Variants in RBM22 observed in about 807,000 individuals in gnomAD.
RBM22 encodes the protein pre-mRNA-splicing factor RBM22.
A neutral mutation model predicts 50.1 loss-of-function variants in RBM22; 1 was observed. The observed-to-expected ratio is 0.02, with a 90% CI of 0.01 to 0.09. The LOEUF (loss-of-function observed/expected upper bound fraction) is 0.09. RBM22 is among the 10% of genes least tolerant of loss of function. The pLI, the probability that RBM22 is intolerant of heterozygous loss-of-function variation, is 1.00. For synonymous variants in RBM22, 152 were observed against 179.0 expected (o/e 0.85, Z 1.20); for missense variants, 264 against 529.3 (o/e 0.50, Z 4.92).
chr5:150,697,157 C>G (rs777176768), intron 4 of RBM22, among the ~76,000 whole-genome samples: 1 of 152,018 alleles, frequency 6.6e-6, no homozygotes, highest in Non-Finnish European at 1.5e-5. Flanking sequence ...TGTGGTGGCT[C>G]ATGCCTGTAA....
At chr5:150,698,416 G>C (rs758350719) in intron 4 of RBM22, 83 bp downstream of exon 4, 5 of 1,498,750 alleles carry the variant, frequency 3.3e-6, no homozygotes, top group Non-Finnish European at 4.6e-6. Context: ...ACCAGAGCTA[G>C]GGTGCGAAGT....
In RBM22 at chr5:150,691,579, G is replaced by A. The variant is rs909399563; in HGVS notation, c.*172C>T. On this transcript the variant is annotated 3_prime_UTR_variant, in exon 11 of 11. Transcript: ENST00000199814. ...AATGGCAGCTTATTTACGGTCCATC[G>A]ATCCTTTGAACAAGTATAGGAAAGC... 10 of 757,696 alleles carry A rather than the reference G, an allele frequency of 1.3e-5. No homozygotes were observed. Among genetic ancestry groups the A allele is most frequent in the African/African-American group, 1.3e-4 (7 of 55,878 alleles). 46.9% of individuals were successfully genotyped at this position (757,696 alleles called of 1,614,324 possible).
rs371671091 is a variant in RBM22, at chr5:150,691,855, T to G, written c.1159A>C (p.Met387Leu). Residue 387 changes from methionine (M) to leucine (L), a missense_variant, in exon 11 of 11, where the codon ATG (methionine) becomes CTG (leucine). By Grantham distance (15) the Met-to-Leu change is conservative. Transcript: ENST00000199814. ...CGCATGAAAGGAGGGGGTGGTCCCA[T>G]TGGGTGGAACATGTGTGGCCCAAAA... ...PGFGPHMFHP[M>L]GPPPPFMRAP... is the part of the protein sequence containing the mutation. The G allele has an allele frequency of 6.3e-7, 1 of 1,598,678 alleles. No homozygotes were observed. Among genetic ancestry groups the G allele is most frequent in the Non-Finnish European group, 8.5e-7 (1 of 1,172,674 alleles).
In RBM22 at chr5:150,696,394, T is replaced by C. The variant is rs1251611308; in HGVS notation, c.545+139A>G. ...TTTATTCATGCTCTTCTAAATTTCA[T>C]AGTTCTAAGACATGAGGTATACCAC... is the stretch of plus-strand genomic sequence containing the variant. On this transcript the variant is annotated intron_variant, in intron 6 of 10. Transcript: ENST00000199814. This position sits in a 1 kb window ranked among gnomAD's most constrained non-coding sequence, Gnocchi z 4.3. 2.1e-5 allele frequency: 20 copies of C among 940,942 alleles called. No homozygotes were observed. Among genetic ancestry groups the C allele is most frequent in the African/African-American group, 9.9e-5 (6 of 60,526 alleles). 58.3% of individuals were successfully genotyped at this position (940,942 alleles called of 1,614,324 possible). A position where few individuals can be genotyped will look rare whatever the true frequency, so the allele number is the denominator to read the frequency against.
Position 150,700,618 on chromosome 5 carries a change from A to G in RBM22, c.55-121T>C, listed in dbSNP as rs1222650196. ...GGGAACTAGGCACGGCAGGAACCCG[A>G]AGTCCATCACGACCCGATCGCGGGA... On this transcript the variant is annotated intron_variant, in intron 1 of 10. Coordinates refer to ENST00000199814, the MANE Select transcript of RBM22 (RefSeq NM_018047.3). The G allele has an allele frequency of 5.8e-6, 9 of 1,555,730 alleles. No individual in the cohort carries two copies. The African/African-American group carries it at 1.1e-4, about 19-fold the overall frequency.
intron 6 of RBM22, among the ~76,000 whole-genome samples, 187 bp from the exon 7 acceptor site, chr5:150,695,893 CG>C (rs1039299767): frequency 1.3e-5 from 2 of 148,492 alleles, no homozygotes; most frequent in Non-Finnish European, 3.0e-5. Flanking sequence ...TACTGTATCA[CG>C]GAAGGAATTA....
intron 2 of RBM22, among the ~76,000 whole-genome samples, chr5:150,699,986 T>G (rs1447662827): frequency 2.6e-5 from 4 of 152,252 alleles, no homozygotes; most frequent in Non-Finnish European, 4.4e-5. Flanking sequence ...CTGGTTCTAA[T>G]TTTACCCTAG....
chr5:150,693,877 C>T (rs181417029), intron 8 of RBM22, among the ~76,000 whole-genome samples, 199 bp downstream of exon 8: 32 of 152,240 alleles, frequency 2.1e-4, no homozygotes, highest in African/African-American at 7.5e-4. Flanking sequence ...ATACACCAAC[C>T]CCCTGAATAC....
In RBM22 at chr5:150,691,872, G is replaced by A; in HGVS notation, c.1142C>T (p.Pro381Leu). ...TGGTCCCATTGGGTGGAACATGTGT[G>A]GCCCAAAACCTGCAGATACGAGAGA... is the stretch of plus-strand genomic sequence containing the variant. ...IAPPPPPGFG[P>L]HMFHPMGPPP... Residue 381 changes from proline to leucine, a missense_variant, in exon 11 of 11, where the codon CCA becomes CTA. Pro to Leu is a moderately conservative substitution (Grantham distance 98). Coordinates refer to ENST00000199814, the MANE Select transcript of RBM22 (RefSeq NM_018047.3). 6.3e-7 allele frequency: 1 copy of A among 1,585,744 alleles called. No homozygotes were observed. Among genetic ancestry groups the A allele is most frequent in the Non-Finnish European group, 8.6e-7 (1 of 1,166,930 alleles).
Position 150,696,494 on chromosome 5 carries a change from C to T in RBM22, c.545+39G>A, listed in dbSNP as rs762015567. ...ACCTCCCACTTCTTAGATGAGAAAT[C>T]ATCTGAAAGCAAATACTGAAAATGA... On this transcript the variant is annotated intron_variant, in intron 6 of 10. Transcript: ENST00000199814. This position sits in a 1 kb window ranked among gnomAD's most constrained non-coding sequence, Gnocchi z 4.3. 1 of 1,573,096 alleles carries T rather than the reference C, an allele frequency of 6.4e-7. No individual in the cohort carries two copies. The highest frequency in any genetic ancestry group is 8.7e-7 in the Non-Finnish European group (1 of 1,151,838).
chr5:150,695,578 G>A lies in RBM22; in HGVS notation c.674C>T (p.Pro225Leu). ...KRASTMPRLD[P>L]PEDKTITTLY... ...TGTGGTGATAGTTTTATCCTCTGGT[G>A]GGTCCAGCCGAGGCATTGTTGAAGC... The change falls in exon 7 of 11, where the codon CCA becomes CTA. Residue 225 changes from proline to leucine, a missense_variant. Pro to Leu is a moderately conservative substitution (Grantham distance 98). Coordinates refer to ENST00000199814, the MANE Select transcript of RBM22 (RefSeq NM_018047.3). The A allele has an allele frequency of 6.2e-7, 1 of 1,613,906 alleles. No individual in the cohort carries two copies. The highest frequency in any genetic ancestry group is 8.5e-7 in the Non-Finnish European group (1 of 1,179,950).
intron 8 of RBM22, among the ~76,000 whole-genome samples, 180 bp from the exon 9 acceptor site, chr5:150,693,487 C>A (rs185386182): frequency 2.0e-4 from 31 of 152,276 alleles, no homozygotes; most frequent in African/African-American, 7.0e-4. Context: ...CCAGAAAAGA[C>A]CTGGGTTCAA....
rs773191380 is a variant in RBM22, at chr5:150,696,741, A to G, written c.373-36T>C. The G allele has an allele frequency of 1.2e-6, 2 of 1,613,782 alleles. No homozygotes were observed. The highest frequency in any genetic ancestry group is 1.7e-5 in the Admixed American group (1 of 60,002). Reference sequence around the variant, plus strand: ...ATGACAAATTCAAAAGATAAATTATACAGACTGTGTCAATTCATTAGGATT... The same window carrying G: ...ATGACAAATTCAAAAGATAAATTATGCAGACTGTGTCAATTCATTAGGATT... On this transcript the variant is annotated intron_variant, in intron 5 of 10. Transcript: ENST00000199814. This position sits in a 1 kb window ranked among gnomAD's most constrained non-coding sequence, Gnocchi z 4.3.
intron 8 of RBM22, 68 bp from the exon 9 acceptor site, chr5:150,693,375 TCC>T: frequency 7.9e-7 from 1 of 1,264,992 alleles, no homozygotes; most frequent in Non-Finnish European, 1.1e-6. Context: ...CTTCTTACAT[TCC>T]CCAGTCCAAT....
rs770073028 is a variant in RBM22 at position 150,691,712 on chromosome 5, G to A, written c.*39C>T. 4.1e-6 allele frequency: 6 copies of A among 1,456,724 alleles called. No homozygotes were observed. The South Asian group carries it at 4.7e-5, about 11-fold the overall frequency. The allele number at this position is 1,456,724 out of a possible 1,614,324, so 90.2% of individuals were successfully genotyped here. On this transcript the variant is annotated 3_prime_UTR_variant, in exon 11 of 11. Transcript: ENST00000199814. ...CCAAGATTTACTGGGAGTTTTAAGT[G>A]CCCTTTCTTCCACAGAGCCCCAGAG...
At chr5:150,695,480 TA>T (rs1452030025) in intron 7 of RBM22, 25 bp downstream of exon 7, 1 of 1,564,224 alleles carries the variant, frequency 6.4e-7, no homozygotes, top group South Asian at 1.1e-5. Context: ...AAGGCAAAAA[TA>T]ACTCTCTAAC....
intron 2 of RBM22, among the ~76,000 whole-genome samples, chr5:150,699,944 CAAT>C (rs1415485198): frequency 1.3e-5 from 2 of 152,202 alleles, no homozygotes; most frequent in Non-Finnish European, 1.5e-5. Context: ...TACGACTACA[CAAT>C]AATACAGCCC....
At position 150,696,087 on chromosome 5, in the gene RBM22, A is replaced by G. The variant is rs10067647; in HGVS notation, c.546-381T>C. 0.082 allele frequency among the ~76,000 whole-genome samples: 12,428 copies of G among 150,840 alleles called. 1,598 individuals carry two copies. The highest frequency in any genetic ancestry group is 0.27 in the African/African-American group (11,176 of 40,784). On this transcript the variant is annotated intron_variant, in intron 6 of 10. Transcript: ENST00000199814. The surrounding 1 kb of genome is among the most constrained non-coding windows in gnomAD (Gnocchi z 4.3). ...CACTGAGAATCTGATTAAAGCTATG[A>G]ACCTCGCCCCAGAGAAAGCACATAC...
chr5:150,699,455 A>C (rs991844397), intron 2 of RBM22, among the ~76,000 whole-genome samples, 184 bp from the exon 3 acceptor site: 3 of 152,188 alleles, frequency 2.0e-5, no homozygotes, highest in Non-Finnish European at 4.4e-5. Flanking sequence ...GGAACATACT[A>C]TAACAACATA....
Sources: gnomAD v4.1 joint callset for allele counts (sites outside exome capture counted in the v4.1 genomes callset) on GRCh38, gnomAD v4.1.1 for gene constraint, Gnocchi (gnomAD v3.1) non-coding constraint, MANE v1.5 for transcripts, NCBI Gene and HGNC (gene_info 2026-07-23, HGNC 2026-07-21) for gene names.